The following NCOA1 variants were observed in gnomAD, a reference collection of about 807,000 sequenced individuals.
NCOA1 encodes Hin-2 protein.
In NCOA1, 35 loss-of-function variants were observed where a neutral mutation model predicts 150.9. The observed-to-expected ratio is 0.23, with a 90% CI of 0.18 to 0.31. NCOA1 has a LOEUF of 0.31. Among genes scored for constraint, NCOA1 ranks in the 10% least tolerant of loss-of-function variants. NCOA1 has a pLI of 1.00. For synonymous variants in NCOA1, 590 were observed against 630.0 expected (o/e 0.94, Z 0.95); for missense variants, 1,491 against 1,749.3 (o/e 0.85, Z 2.63).
intron 1 of NCOA1, among the ~76,000 whole-genome samples, chr2:24,557,996 C>G (rs1666141330): frequency 1.3e-5 from 2 of 151,024 alleles, no homozygotes; most frequent in African/African-American, 4.9e-5. Context: ...GGTTCATTTT[C>G]CCAAAATGAA....
At chr2:24,713,455 CTAAAACCTTTCAGA>C (rs1673861988) in intron 14 of NCOA1, among the ~76,000 whole-genome samples, 1 of 152,032 alleles carries the variant, frequency 6.6e-6, no homozygotes, top group African/African-American at 2.4e-5. Context: ...AGAAAAGATT[CTAAAACCTTTCAGA>C]GAGAAGTTAA....
intron 17 of NCOA1, among the ~76,000 whole-genome samples, chr2:24,730,871 C>CAAAAAAAAAA (rs35975198): frequency 2.4e-3 from 150 of 61,494 alleles, no homozygotes; most frequent in Non-Finnish European, 3.2e-3. Flanking sequence ...ACTAAAAGTA[C>CAAAAAAAAAA]AAAAAAAAAA....
chr2:24,574,831 T>A (rs1385979851), intron 2 of NCOA1, among the ~76,000 whole-genome samples: 3 of 152,182 alleles, frequency 2.0e-5, no homozygotes, highest in Non-Finnish European at 4.4e-5. Flanking sequence ...TTGTATAATT[T>A]CTGATGAGAA....
At chr2:24,589,533 C>T (rs1342776814) in intron 3 of NCOA1, among the ~76,000 whole-genome samples, 4 of 152,140 alleles carry the variant, frequency 2.6e-5, no homozygotes, top group African/African-American at 9.7e-5. Context: ...GCTGATCTCA[C>T]ATTCCTTCTC....
chr2:24,535,724 G>C (rs1174601891), intron 1 of NCOA1, among the ~76,000 whole-genome samples: 2 of 152,174 alleles, frequency 1.3e-5, no homozygotes, highest in African/African-American at 4.8e-5. Flanking sequence ...AGTTTGGCTG[G>C]ATATGAAATT....
At chr2:24,692,476 T>A (rs532116094) in intron 9 of NCOA1, among the ~76,000 whole-genome samples, 1 of 152,326 alleles carries the variant, frequency 6.6e-6, no homozygotes, top group East Asian at 1.9e-4. Context: ...AAACATGAAG[T>A]CATCTGTCAA....
chr2:24,729,563 C>T lies in NCOA1; in HGVS notation c.2949C>T (p.Ile983=). Residue 983 remains isoleucine (I), a synonymous_variant, in exon 17 of 23, where the codon ATC becomes ATT. Coordinates refer to ENST00000348332, the MANE Select transcript of NCOA1 (RefSeq NM_003743.5). ...CACAACAAGCAACGCCACCTTTGAT[C>T]ATGGAAGAAAGACCCAACCTTTATT... is the stretch of plus-strand genomic sequence containing the variant. ...FPPQQATPPL[I]MEERPNLYSQ... 1 of 1,614,160 alleles carries T rather than the reference C, an allele frequency of 6.2e-7. No homozygotes were observed. The highest frequency in any genetic ancestry group is 1.1e-5 in the South Asian group (1 of 91,082).
At chr2:24,602,494 C>T (rs979881266) in intron 3 of NCOA1, among the ~76,000 whole-genome samples, 1 of 152,164 alleles carries the variant, frequency 6.6e-6, no homozygotes, top group Non-Finnish European at 1.5e-5. Context: ...TGCCACTGCG[C>T]CTGGCAACAG....
chr2:24,669,046 AAG>A (rs879548001), intron 6 of NCOA1, among the ~76,000 whole-genome samples: 5 of 152,212 alleles, frequency 3.3e-5, no homozygotes, highest in African/African-American at 1.2e-4. Flanking sequence ...TACTGAAAGT[AAG>A]AGAGGAGGGG....
At chr2:24,617,882 C>T (rs920873483) in intron 3 of NCOA1, among the ~76,000 whole-genome samples, 6 of 151,922 alleles carry the variant, frequency 3.9e-5, no homozygotes, top group South Asian at 2.1e-4. Context: ...TACACACACA[C>T]GCACACACGC....
At chr2:24,649,363 T>C (rs1489567297) in intron 4 of NCOA1, among the ~76,000 whole-genome samples, 1 of 152,236 alleles carries the variant, frequency 6.6e-6, no homozygotes, top group South Asian at 2.1e-4. Flanking sequence ...TAAATACTTA[T>C]ATTCTTGTTT....
Position 24,503,790 on chromosome 2 carries a change from G to T in NCOA1, c.-396+12188G>T, listed in dbSNP as rs571974668. On this transcript the variant is annotated intron_variant, in intron 1 of 22. Transcript: ENST00000348332. The stretch of plus-strand genomic sequence containing the variant: ...TTGCTCTGTCGTCCAGGCTGGATGT[G>T]GTGGTGTGATCTTGGCTCACTGCAA... Among the ~76,000 whole-genome samples, 9 of 148,648 alleles carry T rather than the reference G, an allele frequency of 6.1e-5. No homozygotes were observed. The East Asian group carries it at 1.8e-3, about 29-fold the overall frequency.
rs771456765 is a variant in NCOA1, at chr2:24,516,986, A to ATATATACGTG, written c.-396+25390_-396+25391insCGTGTATATA. Among the ~76,000 whole-genome samples, 244 of 59,072 alleles carry ATATATACGTG rather than the reference A, an allele frequency of 4.1e-3. 4 individuals carry two copies. The highest frequency in any genetic ancestry group is 9.6e-3 in the Middle Eastern group (1 of 104). 38.8% of individuals were successfully genotyped at this position (59,072 alleles called of 152,430 possible). On this transcript the variant is annotated intron_variant, in intron 1 of 22. Transcript: ENST00000348332. ...TATACGTATATATACACATATACGT[A>ATATATACGTG]TATATATACACACGCGCGCACACAC...
In NCOA1 at chr2:24,509,835, TAATTG is replaced by T. The variant is rs144329578; in HGVS notation, c.-396+18237_-396+18241del. On this transcript the variant is annotated intron_variant, in intron 1 of 22. Coordinates refer to ENST00000348332, the MANE Select transcript of NCOA1 (RefSeq NM_003743.5). ...TATTTGTTAAAAGTAGGAGAAATTA[TAATTG>T]AATGTATAATATTTTATCTCTTTAG... Among the ~76,000 whole-genome samples, 377 of 152,342 alleles carry T rather than the reference TAATTG, an allele frequency of 2.5e-3. 2 individuals are homozygous for T. The highest frequency in any genetic ancestry group is 4.3e-3 in the Non-Finnish European group (295 of 68,028).
intron 1 of NCOA1, among the ~76,000 whole-genome samples, chr2:24,531,301 C>G (rs773062406): frequency 6.6e-6 from 1 of 152,066 alleles, no homozygotes; most frequent in Non-Finnish European, 1.5e-5. Context: ...ACACAATTCA[C>G]AATTGGAGAG....
In NCOA1 at chr2:24,618,745, G is replaced by GTTT. The variant is rs60329176; in HGVS notation, c.-174-25213_-174-25211dup. On this transcript the variant is annotated intron_variant, in intron 3 of 22. Transcript: ENST00000348332. The stretch of plus-strand genomic sequence containing the variant: ...CCTGTATTCAATAAACAGTTCATTG[G>GTTT]TTTTTTTTTTGAGCATTTAGCCAGT... Among the ~76,000 whole-genome samples the GTTT allele has an allele frequency of 2.7e-3, 397 of 148,826 alleles. 3 individuals carry two copies. Among genetic ancestry groups the GTTT allele is most frequent in the South Asian group, 0.015 (69 of 4,690 alleles).
chr2:24,699,579 C>T (rs1558296707), intron 11 of NCOA1, among the ~76,000 whole-genome samples: 1 of 152,094 alleles, frequency 6.6e-6, no homozygotes, highest in African/African-American at 2.4e-5. Context: ...AAAAAATCCT[C>T]AATAGAAATA....
chr2:24,502,871 T>G (rs1663522894), intron 1 of NCOA1, among the ~76,000 whole-genome samples: 1 of 152,222 alleles, frequency 6.6e-6, no homozygotes, highest in African/African-American at 2.4e-5. Flanking sequence ...AATCAATTCC[T>G]CCTGTGAACT....
intron 4 of NCOA1, among the ~76,000 whole-genome samples, chr2:24,651,762 C>A (rs759150651): frequency 6.6e-6 from 1 of 151,850 alleles, no homozygotes; most frequent in Non-Finnish European, 1.5e-5. Context: ...ATACAAATGG[C>A]CAATGAGTGC....
Sources: allele counts gnomAD v4.1 joint callset (sites outside exome capture counted in the v4.1 genomes callset), GRCh38; gene constraint gnomAD v4.1.1; transcripts MANE v1.5; gene names NCBI Gene and HGNC (gene_info 2026-07-23, HGNC 2026-07-21).